RFX3: variants seen among roughly 807,000 people sequenced by gnomAD.
RFX3 encodes the protein regulatory factor X3, also known as transcription factor RFX3.
In RFX3, 14 loss-of-function variants were observed where a neutral mutation model predicts 98.6. The ratio of observed to expected loss-of-function variants is 0.14; its 90% CI spans 0.09 to 0.22. The LOEUF is 0.22. RFX3 is among the 10% of genes least tolerant of loss of function. RFX3 has a pLI of 1.00. For synonymous variants in RFX3, 383 were observed against 328.4 expected (o/e 1.17, Z -1.80); for missense variants, 639 against 926.9 (o/e 0.69, Z 4.03).
intron 1 of RFX3, among the ~76,000 whole-genome samples, chr9:3,490,919 T>C (rs1850672447): frequency 6.6e-6 from 1 of 152,158 alleles, no homozygotes; most frequent in Non-Finnish European, 1.5e-5. Flanking sequence ...GGAGTAGCAA[T>C]GATATACAAA....
intron 2 of RFX3, among the ~76,000 whole-genome samples, chr9:3,385,429 G>C (rs1224790530): frequency 2.0e-5 from 3 of 152,076 alleles, no homozygotes; most frequent in Non-Finnish European, 4.4e-5. Flanking sequence ...GAAAACTCTT[G>C]GCCGGGTGCA....
chr9:3,419,765 T>C (rs1472758806), intron 1 of RFX3, among the ~76,000 whole-genome samples: 1 of 152,342 alleles, frequency 6.6e-6, no homozygotes, highest in Admixed American at 6.5e-5. Context: ...GTATTTTTCA[T>C]TTTTTATTAA....
chr9:3,366,718 CTT>C (rs1413047360), intron 2 of RFX3, among the ~76,000 whole-genome samples: 3 of 90,366 alleles, frequency 3.3e-5, no homozygotes, highest in Non-Finnish European at 7.0e-5. Context: ...TTCTTTCTTT[CTT>C]TCTTTCTTTC....
rs1308256844 is a variant in RFX3 at position 3,219,648 on chromosome 9, C to T, written c.*5394G>A. The stretch of plus-strand genomic sequence containing the variant: ...AATTGGTAAACTAAACTCAGGTCTA[C>T]TGGCACATAAAATCACTAGCAGCAA... On this transcript the variant is annotated 3_prime_UTR_variant, in exon 17 of 17. Coordinates refer to ENST00000617270, the MANE Select transcript of RFX3 (RefSeq NM_001282116.2). 1.3e-5 allele frequency: 2 copies of T among 152,124 alleles called. No homozygotes were observed. The highest frequency in any genetic ancestry group is 2.9e-5 in the Non-Finnish European group (2 of 68,024). The allele number at this position is 152,124 out of a possible 1,614,324, so 9.4% of individuals were successfully genotyped here.
At chr9:3,343,616 A>G (rs977073092) in intron 3 of RFX3, among the ~76,000 whole-genome samples, 2 of 152,220 alleles carry the variant, frequency 1.3e-5, no homozygotes, top group African/African-American at 4.8e-5. Flanking sequence ...AAAAATACTT[A>G]TGGTCGCTAG....
At chr9:3,394,827 C>T (rs898129005) in intron 2 of RFX3, 1 of 985,294 alleles carries the variant, frequency 1.0e-6, no homozygotes, top group Non-Finnish European at 1.2e-6. Context: ...TCACAATCCA[C>T]ATACATGAAC....
At chr9:3,339,412 G>C (rs1053770128) in intron 3 of RFX3, among the ~76,000 whole-genome samples, 1 of 133,152 alleles carries the variant, frequency 7.5e-6, no homozygotes, top group African/African-American at 3.9e-5. Flanking sequence ...CCACACACAT[G>C]TACGTTAAGT....
chr9:3,427,126 C>T lies in RFX3; in HGVS notation c.-8-31530G>A, dbSNP rs557935560. ...AACAACTAGGCCATCTCAAGGTCTA[C>T]TGCTATTGACTTTATTTTGACTATT... On this transcript the variant is annotated intron_variant, in intron 1 of 16. Transcript: ENST00000617270. Among the ~76,000 whole-genome samples, 22 of 150,746 alleles carry T rather than the reference C, an allele frequency of 1.5e-4. No individual in the cohort carries two copies. The East Asian group carries it at 3.9e-3, about 27-fold the overall frequency.
At chr9:3,379,579 T>C (rs965819079) in intron 2 of RFX3, among the ~76,000 whole-genome samples, 1 of 152,186 alleles carries the variant, frequency 6.6e-6, no homozygotes, top group Non-Finnish European at 1.5e-5. Context: ...TGAGTGGAAA[T>C]CTCAGTTATA....
At chr9:3,257,743 T>C (rs1243278231) in intron 13 of RFX3, among the ~76,000 whole-genome samples, 1 of 152,202 alleles carries the variant, frequency 6.6e-6, no homozygotes, top group African/African-American at 2.4e-5. Context: ...CTGTGAGTTA[T>C]ATGGATTGGG....
chr9:3,319,194 C>A (rs1830977249), intron 4 of RFX3, among the ~76,000 whole-genome samples: 1 of 152,274 alleles, frequency 6.6e-6, no homozygotes, highest in Non-Finnish European at 1.5e-5. Context: ...GGTCTTGGAC[C>A]AGCATTTTCA....
At chr9:3,312,959 G>A (rs968313206) in intron 4 of RFX3, among the ~76,000 whole-genome samples, 29 of 152,222 alleles carry the variant, frequency 1.9e-4, no homozygotes, top group African/African-American at 7.0e-4. Context: ...CTGAACAAAA[G>A]GCAGCAGAAA....
intron 1 of RFX3, among the ~76,000 whole-genome samples, chr9:3,432,962 T>G (rs765321785): frequency 6.6e-6 from 1 of 152,150 alleles, no homozygotes; most frequent in Non-Finnish European, 1.5e-5. Flanking sequence ...TTAGTATATA[T>G]AGGGGATTAG....
Position 3,225,033 on chromosome 9 carries a change from T to C in RFX3, c.*9A>G. ...TAATGTAAGCTGGAAAAATACGCTT[T>C]AATATTCTTTAGACTGCAGTGTAGG... On this transcript the variant is annotated 3_prime_UTR_variant, in exon 17 of 17. Coordinates refer to ENST00000617270, the MANE Select transcript of RFX3 (RefSeq NM_001282116.2). 1.9e-6 allele frequency: 3 copies of C among 1,612,454 alleles called. No homozygotes were observed. In the South Asian group the frequency reaches 3.3e-5, roughly 18 times the overall value.
intron 2 of RFX3, among the ~76,000 whole-genome samples, chr9:3,381,591 C>A (rs1442110661): frequency 2.6e-5 from 4 of 152,066 alleles, no homozygotes; most frequent in Admixed American, 2.6e-4. Flanking sequence ...TTCTTTAAAC[C>A]TAATTATATT....
chr9:3,458,820 G>T (rs1847427396), intron 1 of RFX3, among the ~76,000 whole-genome samples: 1 of 152,170 alleles, frequency 6.6e-6, no homozygotes, highest in South Asian at 2.1e-4. Flanking sequence ...AATAAGTAAA[G>T]ATGGATATAG....
rs1458693414 is a variant in RFX3, at chr9:3,247,776, A to T, written c.1968+256T>A. ...AGTGGTTCTCAAGTTTTTCTTTTAC[A>T]TAGGTACCTGTATAATATAGAGACA... is the stretch of plus-strand genomic sequence containing the variant. On this transcript the variant is annotated intron_variant, in intron 15 of 16. Transcript: ENST00000617270. 3.8e-6 allele frequency: 6 copies of T among 1,589,298 alleles called. No individual in the cohort carries two copies. In the Admixed American group the frequency reaches 1.1e-4, roughly 29 times the overall value.
chr9:3,513,590 T>C (rs1817849303), intron 1 of RFX3, among the ~76,000 whole-genome samples: 1 of 152,184 alleles, frequency 6.6e-6, no homozygotes, highest in African/African-American at 2.4e-5. Flanking sequence ...CACATTTTAA[T>C]AGAGAGGCTT....
intron 1 of RFX3, among the ~76,000 whole-genome samples, chr9:3,462,668 G>A (rs902419746): frequency 6.6e-6 from 1 of 152,032 alleles, no homozygotes; most frequent in African/African-American, 2.4e-5. Flanking sequence ...ATTAAATAAA[G>A]CTATTAGAAA....
Sources: gnomAD v4.1 joint callset for allele counts (sites outside exome capture counted in the v4.1 genomes callset) on GRCh38, gnomAD v4.1.1 for gene constraint, MANE v1.5 for transcripts, NCBI Gene and HGNC (gene_info 2026-07-23, HGNC 2026-07-21) for gene names.